Variants in CSMD3 observed in about 807,000 individuals in gnomAD.
CSMD3 encodes CUB and sushi domain-containing protein 3.
CSMD3 carries 177 observed loss-of-function variants against 435.2 expected under a neutral mutation model. The observed-to-expected ratio is 0.41, with a 90% confidence interval of 0.36 to 0.46. The LOEUF is 0.46. Ranked by LOEUF, CSMD3 falls within the 20% of genes least tolerant of loss-of-function variation. CSMD3 has a pLI of 0.34. For missense variants in CSMD3, 4,265 were observed against 4,504.6 expected (o/e 0.95, Z 1.52); for synonymous variants, 1,656 against 1,520.5 (o/e 1.09, Z -2.07).
chr8:112,782,963 A>G (rs894984021), intron 13 of CSMD3, among the ~76,000 whole-genome samples: 1 of 152,126 alleles, frequency 6.6e-6, no homozygotes, highest in Non-Finnish European at 1.5e-5. Context: ...TCAATCTGAA[A>G]GAAAAAAATG....
chr8:112,233,853 C>G (rs552063769), intron 68 of CSMD3, among the ~76,000 whole-genome samples: 1 of 152,242 alleles, frequency 6.6e-6, no homozygotes, highest in South Asian at 2.1e-4. Flanking sequence ...TAGGAAGCAG[C>G]TCACATAAGT....
intron 59 of CSMD3, among the ~76,000 whole-genome samples, chr8:112,279,840 T>A (rs1331276334): frequency 1.3e-5 from 2 of 152,154 alleles, no homozygotes; most frequent in East Asian, 3.9e-4. Context: ...TATGTTCTAT[T>A]CAGTACTTAT....
intron 27 of CSMD3, among the ~76,000 whole-genome samples, chr8:112,545,247 G>A (rs1827043243): frequency 6.6e-6 from 1 of 152,088 alleles, no homozygotes; most frequent in South Asian, 2.1e-4. Context: ...ACTTGGGGGT[G>A]CTGAGGCGGG....
chr8:113,103,442 A>C (rs2090386544), intron 4 of CSMD3, among the ~76,000 whole-genome samples: 1 of 152,156 alleles, frequency 6.6e-6, no homozygotes, highest in African/African-American at 2.4e-5. Flanking sequence ...TTGCAAAGTC[A>C]ATCTGTTGTA....
rs184981029 is a variant in CSMD3 at position 112,280,296 on chromosome 8, G to A, written c.9508+878C>T. Among the ~76,000 whole-genome samples the A allele has an allele frequency of 4.9e-3, 740 of 151,976 alleles. 15 individuals carry two copies. The highest frequency in any genetic ancestry group is 4.0e-3 in the Non-Finnish European group (272 of 67,974). On this transcript the variant is annotated intron_variant, in intron 59 of 70. Transcript: ENST00000297405. Reference sequence around the variant, plus strand: ...TCTAAACAATTTTCTTTTGAGACAGGGTCTCACTCTGTCACCCAAGCTGTA... The same window carrying A: ...TCTAAACAATTTTCTTTTGAGACAGAGTCTCACTCTGTCACCCAAGCTGTA...
At chr8:112,844,543 C>T (rs1022541184) in intron 11 of CSMD3, among the ~76,000 whole-genome samples, 1 of 151,910 alleles carries the variant, frequency 6.6e-6, no homozygotes, top group African/African-American at 2.4e-5. Flanking sequence ...TACATTTGTC[C>T]TTTGTTTTCC....
At position 112,804,697 on chromosome 8, in the gene CSMD3, G is replaced by A. The variant is rs181587694; in HGVS notation, c.1860-4423C>T. ...TTTATTTTTTTTGAGATGAAGTCTCGCTCTGTCACTAGGCTGGAGTGCATT... is the reference window on the plus strand; with the variant it reads ...TTTATTTTTTTTGAGATGAAGTCTCACTCTGTCACTAGGCTGGAGTGCATT... On this transcript the variant is annotated intron_variant, in intron 12 of 70. Transcript: ENST00000297405. Among the ~76,000 whole-genome samples the A allele has an allele frequency of 3.0e-3, 448 of 150,294 alleles. 3 individuals are homozygous for A. The highest frequency in any genetic ancestry group is 0.019 in the Admixed American group (278 of 15,004).
At chr8:112,759,302 G>A (rs992330561) in intron 13 of CSMD3, among the ~76,000 whole-genome samples, 1 of 152,020 alleles carries the variant, frequency 6.6e-6, no homozygotes, top group Admixed American at 6.6e-5. Context: ...CCTAGGAAAA[G>A]CTCTCTGTAC....
chr8:112,296,600 G>C (rs942520179), intron 53 of CSMD3, among the ~76,000 whole-genome samples: 2 of 151,404 alleles, frequency 1.3e-5, no homozygotes, highest in Admixed American at 6.6e-5. Flanking sequence ...TCAAAATTTA[G>C]AGGTACAGAT....
chr8:113,024,515 T>G (rs2086801459), intron 5 of CSMD3, among the ~76,000 whole-genome samples: 1 of 152,180 alleles, frequency 6.6e-6, no homozygotes, highest in Admixed American at 6.5e-5. Flanking sequence ...ATTTTTAATT[T>G]TTTGAGGAAC....
At position 112,787,416 on chromosome 8, in the gene CSMD3, G is replaced by C. The variant is rs190148571; in HGVS notation, c.1972+12746C>G. Among the ~76,000 whole-genome samples, 270 of 152,094 alleles carry C rather than the reference G, an allele frequency of 1.8e-3. 1 individual carries two copies. The highest frequency in any genetic ancestry group is 2.3e-3 in the Non-Finnish European group (153 of 67,948). On this transcript the variant is annotated intron_variant, in intron 13 of 70. Coordinates refer to ENST00000297405, the MANE Select transcript of CSMD3 (RefSeq NM_198123.2). The stretch of plus-strand genomic sequence containing the variant: ...TATTACTATGGAGAACAGTATGGAG[G>C]TACCTCAAAATACTGCTAGGTATGT...
chr8:112,297,752 G>GTAGAATAT (rs1175611040), intron 53 of CSMD3, among the ~76,000 whole-genome samples: 81 of 152,198 alleles, frequency 5.3e-4, no homozygotes, highest in Non-Finnish European at 7.9e-4. Context: ...TAGAAAGGTT[G>GTAGAATAT]TAGAATATTA....
At chr8:112,321,870 A>T (rs1823024901) in intron 45 of CSMD3, among the ~76,000 whole-genome samples, 1 of 152,142 alleles carries the variant, frequency 6.6e-6, no homozygotes. Context: ...TATAATCCAG[A>T]TTTTTGATAA....
intron 12 of CSMD3, among the ~76,000 whole-genome samples, chr8:112,827,443 G>GTCCATGTT (rs1451139881): frequency 2.6e-5 from 4 of 151,382 alleles, no homozygotes; most frequent in Non-Finnish European, 5.9e-5. Context: ...GCCTTTTCTT[G>GTCCATGTT]TCCATGTTTT....
intron 1 of CSMD3, among the ~76,000 whole-genome samples, chr8:113,370,215 T>A (rs1024757726): frequency 1.3e-5 from 2 of 151,106 alleles, no homozygotes; most frequent in African/African-American, 4.8e-5. Context: ...TAAATAAATT[T>A]AAAAAAACAC....
At chr8:113,269,776 C>G (rs2093504603) in intron 3 of CSMD3, among the ~76,000 whole-genome samples, 1 of 152,024 alleles carries the variant, frequency 6.6e-6, no homozygotes, top group Admixed American at 6.5e-5. Flanking sequence ...AAAGCTGAAA[C>G]TGGATCCCTT....
At chr8:113,112,047 C>T (rs189135150) in intron 4 of CSMD3, among the ~76,000 whole-genome samples, 2 of 152,114 alleles carry the variant, frequency 1.3e-5, no homozygotes, top group Admixed American at 1.3e-4. Context: ...CCCTGGCAAT[C>T]ATTTACTTAT....
At chr8:112,869,784 A>T (rs1258190084) in intron 10 of CSMD3, among the ~76,000 whole-genome samples, 2 of 152,356 alleles carry the variant, frequency 1.3e-5, no homozygotes, top group Middle Eastern at 3.4e-3. Flanking sequence ...ACACAGAAAC[A>T]GAAAATCAAA....
At chr8:112,935,532 T>C (rs2083254380) in intron 9 of CSMD3, among the ~76,000 whole-genome samples, 1 of 152,126 alleles carries the variant, frequency 6.6e-6, no homozygotes, top group Non-Finnish European at 1.5e-5. Context: ...TGGGATATCT[T>C]TCTATTTATT....
Sources: allele counts gnomAD v4.1 joint callset (sites outside exome capture counted in the v4.1 genomes callset), GRCh38; gene constraint gnomAD v4.1.1; transcripts MANE v1.5; gene names NCBI Gene and HGNC (gene_info 2026-07-23, HGNC 2026-07-21).